The following GLYATL2 variants were observed in gnomAD, a reference collection of about 807,000 sequenced individuals.
GLYATL2 encodes glycine N-acyltransferase-like protein 2.
GLYATL2 carries 25 observed loss-of-function variants against 21.4 expected under a neutral mutation model. The ratio of observed to expected loss-of-function variants is 1.17; its 90% CI spans 0.85 to 1.63. The LOEUF (loss-of-function observed/expected upper bound fraction) is 1.63. Among genes scored for constraint, GLYATL2 ranks in the 40% most tolerant of loss-of-function variants. The probability of loss-of-function intolerance (pLI) is 0.00; values close to 1 mark genes in which losing one functional copy is unlikely to be tolerated. For missense variants in GLYATL2, 361 were observed against 343.3 expected, an observed-to-expected ratio of 1.05 and a Z score of -0.41; for synonymous variants, 114 against 118.2, an observed-to-expected ratio of 0.96 and a Z score of 0.23.
chr11:58,896,390 CT>C (rs1163522427), intron 1 of GLYATL2, among the ~76,000 whole-genome samples: 3 of 152,318 alleles, frequency 2.0e-5, no homozygotes, highest in African/African-American at 7.2e-5. Context: ...CTCAGATACC[CT>C]TTCAATGCAC....
intron 1 of GLYATL2, among the ~76,000 whole-genome samples, chr11:58,866,408 C>T (rs919611397): frequency 6.7e-6 from 1 of 148,826 alleles, no homozygotes; most frequent in Non-Finnish European, 1.5e-5. Context: ...TCTAAAGCCA[C>T]CATCATTTCA....
intron 1 of GLYATL2, among the ~76,000 whole-genome samples, chr11:58,878,784 C>CA (rs2134609802): frequency 6.6e-6 from 1 of 152,250 alleles, no homozygotes; most frequent in South Asian, 2.1e-4. Context: ...CTGGTTTATA[C>CA]ATTAGGCCTG....
At chr11:58,904,045 G>T (rs1320905213) in intron 1 of GLYATL2, 1 of 152,154 alleles carries the variant, frequency 6.6e-6, no homozygotes, top group Non-Finnish European at 1.5e-5. Context: ...GAATCATATT[G>T]AGCTCTCTTT....
chr11:58,849,666 G>A (rs1475625581), upstream of GLYATL2, among the ~76,000 whole-genome samples: 1 of 152,244 alleles, frequency 6.6e-6, no homozygotes, highest in South Asian at 2.1e-4. Context: ...TGCAGGAGAA[G>A]GCAGCAAACT....
chr11:58,839,031 T>C (rs1853495206), intron 2 of GLYATL2, among the ~76,000 whole-genome samples: 2 of 152,136 alleles, frequency 1.3e-5, no homozygotes, highest in African/African-American at 4.8e-5. Context: ...GCAGATGATA[T>C]CATGCCTACT....
intron 1 of GLYATL2, among the ~76,000 whole-genome samples, chr11:58,879,373 C>T (rs1854292620): frequency 6.6e-6 from 1 of 152,046 alleles, no homozygotes; most frequent in Admixed American, 6.5e-5. Context: ...GCTTTTTTTA[C>T]CCATCATTCA....
At chr11:58,874,686 G>T (rs2134606082) in intron 1 of GLYATL2, among the ~76,000 whole-genome samples, 1 of 152,320 alleles carries the variant, frequency 6.6e-6, no homozygotes, top group South Asian at 2.1e-4. Flanking sequence ...TTTTACATTT[G>T]CTGAGGAGTT....
intron 1 of GLYATL2, chr11:58,892,587 TG>T: frequency 3.9e-6 from 1 of 257,746 alleles, no homozygotes; most frequent in Non-Finnish European, 8.3e-6. Flanking sequence ...TAAGCATTGA[TG>T]ATTAATCATG....
intron 1 of GLYATL2, among the ~76,000 whole-genome samples, chr11:58,862,147 G>T (rs1202379710): frequency 1.3e-5 from 2 of 152,106 alleles, no homozygotes; most frequent in African/African-American, 4.8e-5. Flanking sequence ...CATGCTCTCA[G>T]CCGATAAGCT....
At chr11:58,869,027 A>G (rs903595903) in intron 1 of GLYATL2, among the ~76,000 whole-genome samples, 11 of 128,624 alleles carry the variant, frequency 8.6e-5, no homozygotes, top group African/African-American at 2.8e-4. Context: ...TGTGGGTACC[A>G]GATGGTGGGA....
At position 58,880,101 on chromosome 11, in the gene GLYATL2, G is replaced by A. The variant is rs538950972; in HGVS notation, n.60+24055C>T. ...TCTCGATCTCCTGACCTCGTGATCC[G>A]CCCACCTCGGCCTCCCAAAGTGCGG... On this transcript the variant is annotated intron_variant and non_coding_transcript_variant, in intron 1 of 4. Coordinates refer to the GLYATL2 transcript ENST00000533636. Among the ~76,000 whole-genome samples the A allele has an allele frequency of 5.9e-5, 9 of 152,126 alleles. No individual in the cohort carries two copies. The South Asian group carries it at 8.3e-4, about 14-fold the overall frequency.
At chr11:58,900,505 T>C (rs551504845) in intron 1 of GLYATL2, among the ~76,000 whole-genome samples, 27 of 152,312 alleles carry the variant, frequency 1.8e-4, no homozygotes, top group Non-Finnish European at 8.8e-5. Flanking sequence ...AGCTCCCCGC[T>C]GTCAGCACCA....
chr11:58,884,328 G>T (rs622512), intron 1 of GLYATL2, among the ~76,000 whole-genome samples: 2 of 152,116 alleles, frequency 1.3e-5, no homozygotes, highest in Non-Finnish European at 2.9e-5. Context: ...ATTGTCTCAG[G>T]GAAAAATCTT....
intron 1 of GLYATL2, among the ~76,000 whole-genome samples, chr11:58,884,512 G>A (rs1012746144): frequency 3.3e-5 from 5 of 152,212 alleles, no homozygotes; most frequent in African/African-American, 1.2e-4. Context: ...CAAGGGATGC[G>A]AGGGCTGATA....
At chr11:58,878,851 G>C (rs2134609844) in intron 1 of GLYATL2, among the ~76,000 whole-genome samples, 1 of 152,300 alleles carries the variant, frequency 6.6e-6, no homozygotes, top group Non-Finnish European at 1.5e-5. Context: ...ACTTAGAGTG[G>C]AACATTTCAA....
chr11:58,865,361 C>T lies in GLYATL2; in HGVS notation n.61-26993G>A, dbSNP rs551280411. The stretch of plus-strand genomic sequence containing the variant: ...CAAATTTTTCCTTAACAAAATAGGA[C>T]TTGTTGTTCAAGATATTCAAGCCAG... On this transcript the variant is annotated intron_variant and non_coding_transcript_variant, in intron 1 of 4. Coordinates refer to the GLYATL2 transcript ENST00000533636. Among the ~76,000 whole-genome samples the T allele has an allele frequency of 6.7e-5, 10 of 148,872 alleles. No homozygotes were observed. The South Asian group carries it at 2.2e-3, about 32-fold the overall frequency.
At chr11:58,899,624 G>A (rs573024148) in intron 1 of GLYATL2, among the ~76,000 whole-genome samples, 3 of 152,162 alleles carry the variant, frequency 2.0e-5, no homozygotes, top group Admixed American at 2.0e-4. Flanking sequence ...GACAGCTGCA[G>A]AAAGAAGGAA....
At chr11:58,907,282 G>A (rs1421969346), upstream of GLYATL2, 2 of 456,194 alleles carry the variant, frequency 4.4e-6, no homozygotes, top group South Asian at 1.5e-5. Flanking sequence ...TTGTCACCTT[G>A]GTCTCTCAGC....
upstream of GLYATL2, chr11:58,905,682 G>A (rs926817780): frequency 1.8e-5 from 8 of 453,274 alleles, no homozygotes; most frequent in Non-Finnish European, 3.5e-5. Context: ...ACTGGCTGTG[G>A]ACCGAGTGGT....
Sources: gnomAD v4.1 joint callset for allele counts (sites outside exome capture counted in the v4.1 genomes callset) on GRCh38, gnomAD v4.1.1 for gene constraint, MANE v1.5 for transcripts, NCBI Gene and HGNC (gene_info 2026-07-23, HGNC 2026-07-21) for gene names.